PLEKHM3: variants seen among roughly 807,000 people sequenced by gnomAD.
PLEKHM3 encodes the protein pleckstrin homology domain-containing family M member 3.
Under a neutral mutation model 81.8 loss-of-function variants are expected in PLEKHM3, and 45 were observed. That is an observed-to-expected ratio of 0.55 (90% CI 0.43 to 0.71). The LOEUF is 0.71. Among genes scored for constraint, PLEKHM3 ranks in the 30% least tolerant of loss-of-function variants. PLEKHM3 has a pLI of 0.00. For synonymous variants in PLEKHM3, 352 were observed against 356.4 expected (o/e 0.99, Z 0.14); for missense variants, 788 against 924.3 (o/e 0.85, Z 1.91).
At chr2:207,925,132 G>T (rs1168571409) in intron 5 of PLEKHM3, among the ~76,000 whole-genome samples, 1 of 138,618 alleles carries the variant, frequency 7.2e-6, no homozygotes, top group Non-Finnish European at 1.6e-5. Context: ...GAACAGGGTT[G>T]TTTTTTTGTT....
At chr2:207,929,270 G>C (rs767366761) in intron 5 of PLEKHM3, among the ~76,000 whole-genome samples, 41 of 152,324 alleles carry the variant, frequency 2.7e-4, no homozygotes, top group Non-Finnish European at 5.1e-4. Context: ...ACAGTACATG[G>C]TGGTAAACCA....
intron 5 of PLEKHM3, among the ~76,000 whole-genome samples, chr2:207,923,468 A>C (rs949268485): frequency 6.6e-6 from 1 of 151,648 alleles, no homozygotes; most frequent in Non-Finnish European, 1.5e-5. Flanking sequence ...TTAGCTGGGC[A>C]TGGTGGCACA....
At chr2:207,865,777 G>C (rs1300251054) in intron 6 of PLEKHM3, among the ~76,000 whole-genome samples, 1 of 10,540 alleles carries the variant, frequency 9.5e-5, no homozygotes, top group African/African-American at 2.8e-4. Flanking sequence ...CAAAAACTCC[G>C]ACTCAAAAAA....
intron 6 of PLEKHM3, among the ~76,000 whole-genome samples, chr2:207,864,092 A>C (rs2092483085): frequency 6.6e-6 from 1 of 152,184 alleles, no homozygotes; most frequent in African/African-American, 2.4e-5. Context: ...ATAATTTTGC[A>C]TTAAACTGAA....
chr2:207,913,723 AT>A (rs144930128), intron 5 of PLEKHM3, among the ~76,000 whole-genome samples: 42,497 of 149,788 alleles, frequency 0.28, 6,368 homozygotes, highest in Middle Eastern at 0.38. Context: ...CTAAGAAAGG[AT>A]TTTTTTTTTT....
At position 207,855,957 on chromosome 2, in the gene PLEKHM3, G is replaced by T. The variant is rs143146937; in HGVS notation, c.2108+5148C>A. Among the ~76,000 whole-genome samples, 312 of 152,192 alleles carry T rather than the reference G, an allele frequency of 2.1e-3. 1 individual carries two copies. The highest frequency in any genetic ancestry group is 7.0e-3 in the African/African-American group (291 of 41,534). On this transcript the variant is annotated intron_variant, in intron 7 of 7. Coordinates refer to ENST00000427836, the MANE Select transcript of PLEKHM3 (RefSeq NM_001080475.3). ...TAGTTACTAATAATATATCAATATT[G>T]GTTCATTAATTGTAACAAATGTACT...
At chr2:207,907,979 G>A (rs916856124) in intron 6 of PLEKHM3, among the ~76,000 whole-genome samples, 2 of 152,158 alleles carry the variant, frequency 1.3e-5, no homozygotes, top group African/African-American at 4.8e-5. Flanking sequence ...ACTTAGCATA[G>A]TGTTTTCAAG....
chr2:207,852,573 T>A (rs893574605), intron 7 of PLEKHM3, among the ~76,000 whole-genome samples: 1 of 152,064 alleles, frequency 6.6e-6, no homozygotes, highest in Non-Finnish European at 1.5e-5. Flanking sequence ...TGCTATATAG[T>A]CATAATCAAA....
At chr2:207,948,268 G>C (rs1168248544) in intron 3 of PLEKHM3, among the ~76,000 whole-genome samples, 1 of 151,584 alleles carries the variant, frequency 6.6e-6, no homozygotes, top group East Asian at 1.9e-4. Flanking sequence ...TACTCATTTG[G>C]CATTTAGCGC....
In PLEKHM3 at chr2:207,958,288, G is replaced by T. The variant is rs1690590870; in HGVS notation, c.1547-11776C>A. ...TGCTAGTAACATCTGCTCCAAGCTT[G>T]GCTCTTTTCTTCACAAATTAATCTT... On this transcript the variant is annotated intron_variant, in intron 3 of 7. Transcript: ENST00000427836. 2.0e-5 allele frequency among the ~76,000 whole-genome samples: 3 copies of T among 151,964 alleles called. No homozygotes were observed. In the South Asian group the frequency reaches 6.2e-4, roughly 31 times the overall value.
At position 207,976,500 on chromosome 2, in the gene PLEKHM3, T is replaced by C. The variant is rs1178212776; in HGVS notation, c.1546+151A>G. On this transcript the variant is annotated intron_variant, in intron 3 of 7. Coordinates refer to ENST00000427836, the MANE Select transcript of PLEKHM3 (RefSeq NM_001080475.3). This position sits in a 1 kb window ranked among gnomAD's most constrained non-coding sequence, Gnocchi z 4.1. ...TAATATAGTAATTTAATATAGGATG[T>C]TTTAATACAGTAAGCTTCTCGAGGA... 6 of 745,874 alleles carry C rather than the reference T, an allele frequency of 8.0e-6. No homozygotes were observed. The South Asian group carries it at 9.8e-5, about 12-fold the overall frequency. The allele number at this position is 745,874 out of a possible 1,614,324, so 46.2% of individuals were successfully genotyped here. A position where few individuals can be genotyped will look rare whatever the true frequency, so the allele number is the denominator to read the frequency against.
chr2:207,841,291 C>T (rs1488403175), intron 7 of PLEKHM3, among the ~76,000 whole-genome samples: 1 of 149,764 alleles, frequency 6.7e-6, no homozygotes, highest in Non-Finnish European at 1.5e-5. Flanking sequence ...ATGGTGAAAC[C>T]CCATCTCTAC....
At chr2:207,858,583 C>A (rs2092449329) in intron 7 of PLEKHM3, among the ~76,000 whole-genome samples, 1 of 151,452 alleles carries the variant, frequency 6.6e-6, no homozygotes, top group African/African-American at 2.4e-5. Context: ...CGGGTTCAAG[C>A]GATTCCTGTG....
At chr2:207,956,340 G>C (rs927516871) in intron 3 of PLEKHM3, among the ~76,000 whole-genome samples, 2 of 151,972 alleles carry the variant, frequency 1.3e-5, no homozygotes, top group Non-Finnish European at 2.9e-5. Flanking sequence ...GGGCGTGGTG[G>C]TGGGTGCCTG....
chr2:208,019,137 CA>C (rs5838102), intron 1 of PLEKHM3, among the ~76,000 whole-genome samples: 88,480 of 147,812 alleles, frequency 0.6, 28,347 homozygotes, highest in Non-Finnish European at 0.72. Flanking sequence ...CCCATCTCTA[CA>C]AAAAAAAAAA....
chr2:208,018,848 C>A (rs1040912443), intron 1 of PLEKHM3, among the ~76,000 whole-genome samples: 1 of 152,042 alleles, frequency 6.6e-6, no homozygotes, highest in East Asian at 1.9e-4. Context: ...CTCTCTCTAC[C>A]CCTACCCTCA....
At chr2:207,865,801 A>AAAAAAAAATATATAT in intron 6 of PLEKHM3, among the ~76,000 whole-genome samples, 3 of 25,296 alleles carry the variant, frequency 1.2e-4, no homozygotes, top group African/African-American at 2.1e-4. Flanking sequence ...AAAAAAAAAA[A>AAAAAAAAATATATAT]AGATATATAT....
At chr2:207,914,524 T>C (rs1688920022) in intron 5 of PLEKHM3, among the ~76,000 whole-genome samples, 2 of 148,474 alleles carry the variant, frequency 1.3e-5, no homozygotes, top group East Asian at 2.0e-4. Flanking sequence ...AAACAAAATA[T>C]AAAATAAATT....
chr2:208,011,702 A>G (rs568163090), intron 1 of PLEKHM3, among the ~76,000 whole-genome samples: 1 of 151,506 alleles, frequency 6.6e-6, no homozygotes, highest in Non-Finnish European at 1.5e-5. Flanking sequence ...CTCACAAGTC[A>G]CCACTAAAGA....
Sources: gnomAD v4.1 joint callset for allele counts (sites outside exome capture counted in the v4.1 genomes callset) on GRCh38, gnomAD v4.1.1 for gene constraint, Gnocchi (gnomAD v3.1) non-coding constraint, MANE v1.5 for transcripts, NCBI Gene and HGNC (gene_info 2026-07-23, HGNC 2026-07-21) for gene names.